Variants in CDH13 observed in about 807,000 individuals in gnomAD.
CDH13 encodes the protein cadherin-13.
CDH13 carries 24 observed loss-of-function variants against 63.8 expected under a neutral mutation model. The ratio of observed to expected loss-of-function variants is 0.38; its 90% CI spans 0.27 to 0.53. CDH13 has a LOEUF of 0.53. Ranked by LOEUF, CDH13 falls within the 20% of genes least tolerant of loss-of-function variation. The pLI is 0.85. For missense variants in CDH13, 1,049 were observed against 903.1 expected (o/e 1.16, Z -2.07); for synonymous variants, 503 against 355.3 (o/e 1.42, Z -4.67).
chr16:83,025,215 A>ACAT (rs1915688264), intron 2 of CDH13, among the ~76,000 whole-genome samples: 1 of 152,236 alleles, frequency 6.6e-6, no homozygotes, highest in Admixed American at 6.5e-5. Context: ...TAAGGATTAT[A>ACAT]GTACCTTTCA....
At chr16:83,268,394 C>G (rs1204186697) in intron 5 of CDH13, among the ~76,000 whole-genome samples, 1 of 152,146 alleles carries the variant, frequency 6.6e-6, no homozygotes. Flanking sequence ...CCAGTTGGCT[C>G]AAGCATTTCA....
chr16:83,680,242 A>G (rs530206414), intron 10 of CDH13, among the ~76,000 whole-genome samples: 193 of 152,292 alleles, frequency 1.3e-3, no homozygotes, highest in African/African-American at 4.5e-3. Flanking sequence ...CACTCGGCCC[A>G]TGGTCACATT....
chr16:83,635,098 C>T (rs765952955), intron 8 of CDH13, among the ~76,000 whole-genome samples: 2 of 152,120 alleles, frequency 1.3e-5, no homozygotes, highest in Non-Finnish European at 2.9e-5. Context: ...CACTCTTTTT[C>T]ATTATAACCA....
intron 7 of CDH13, among the ~76,000 whole-genome samples, chr16:83,499,237 C>T (rs1165532625): frequency 2.6e-5 from 4 of 152,198 alleles, no homozygotes; most frequent in African/African-American, 9.7e-5. Flanking sequence ...AAGATGTTCA[C>T]CATGTATCAG....
intron 3 of CDH13, among the ~76,000 whole-genome samples, chr16:83,096,926 C>A (rs1353845390): frequency 6.6e-6 from 1 of 152,042 alleles, no homozygotes; most frequent in African/African-American, 2.4e-5. Context: ...TTTACTAATT[C>A]TCATAAAATA....
intron 8 of CDH13, among the ~76,000 whole-genome samples, chr16:83,655,977 G>A (rs1305905455): frequency 6.6e-6 from 1 of 152,092 alleles, no homozygotes; most frequent in Non-Finnish European, 1.5e-5. Context: ...CAGAGAAATA[G>A]GCCTATTCAG....
chr16:83,596,575 G>A (rs192547508), intron 7 of CDH13, among the ~76,000 whole-genome samples: 52 of 152,284 alleles, frequency 3.4e-4, no homozygotes, highest in Non-Finnish European at 5.9e-4. Context: ...AACAAATGCA[G>A]AGTGGCCAGC....
At chr16:83,550,489 T>C (rs2075470295) in intron 7 of CDH13, among the ~76,000 whole-genome samples, 2 of 152,200 alleles carry the variant, frequency 1.3e-5, no homozygotes, top group African/African-American at 4.8e-5. Context: ...AATTGATTGA[T>C]AGGAGGTCAA....
At chr16:83,316,027 C>T (rs2090097834) in intron 5 of CDH13, among the ~76,000 whole-genome samples, 5 of 152,094 alleles carry the variant, frequency 3.3e-5, no homozygotes, top group South Asian at 4.1e-4. Flanking sequence ...GCTTAGGAGG[C>T]CTCAGGAAGC....
intron 2 of CDH13, among the ~76,000 whole-genome samples, chr16:82,982,490 T>A (rs1050246121): frequency 2.0e-5 from 3 of 152,212 alleles, no homozygotes; most frequent in African/African-American, 7.2e-5. Context: ...TTTGCCTTTT[T>A]CCTGTATCCC....
chr16:83,116,994 C>T (rs2035334185), intron 3 of CDH13, among the ~76,000 whole-genome samples: 1 of 152,220 alleles, frequency 6.6e-6, no homozygotes, highest in African/African-American at 2.4e-5. Context: ...ACGGGCAAAT[C>T]ATCGTAGGAC....
intron 7 of CDH13, among the ~76,000 whole-genome samples, chr16:83,520,585 T>C (rs1254106392): frequency 6.6e-6 from 1 of 152,224 alleles, no homozygotes; most frequent in Non-Finnish European, 1.5e-5. Context: ...CACTCTATGG[T>C]TGGCCTTAGA....
chr16:83,619,178 C>T (rs916164579), intron 8 of CDH13, among the ~76,000 whole-genome samples: 3 of 152,156 alleles, frequency 2.0e-5, no homozygotes, highest in Non-Finnish European at 2.9e-5. Context: ...CATGTATGTG[C>T]GCTATGCCTC....
chr16:83,345,636 T>A (rs1288883349), intron 6 of CDH13, among the ~76,000 whole-genome samples: 1 of 152,182 alleles, frequency 6.6e-6, no homozygotes, highest in African/African-American at 2.4e-5. Flanking sequence ...GTTTTAGAAT[T>A]TAGAGCTTCC....
At chr16:82,722,827 C>G in intron 1 of CDH13, among the ~76,000 whole-genome samples, 1 of 152,156 alleles carries the variant, frequency 6.6e-6, no homozygotes, top group East Asian at 1.9e-4. Context: ...GCCTTTTTCA[C>G]GTGAGCCCAC....
chr16:82,710,048 T>TACAC (rs921251629), intron 1 of CDH13, among the ~76,000 whole-genome samples: 1 of 150,012 alleles, frequency 6.7e-6, no homozygotes, highest in Admixed American at 6.7e-5. Context: ...AAAGTATGCA[T>TACAC]ACACACACAC....
intron 3 of CDH13, among the ~76,000 whole-genome samples, chr16:83,121,468 C>G (rs889134170): frequency 2.0e-5 from 3 of 152,150 alleles, no homozygotes; most frequent in Non-Finnish European, 2.9e-5. Context: ...TGCCAAGTGC[C>G]CAGCACATTG....
intron 2 of CDH13, among the ~76,000 whole-genome samples, chr16:82,877,044 G>C (rs1240858722): frequency 1.3e-5 from 2 of 152,164 alleles, no homozygotes; most frequent in Non-Finnish European, 2.9e-5. Context: ...ACATTTATGA[G>C]AACTCACTTC....
intron 5 of CDH13, among the ~76,000 whole-genome samples, chr16:83,320,181 A>T (rs946680959): frequency 6.6e-6 from 1 of 151,264 alleles, no homozygotes; most frequent in Non-Finnish European, 1.5e-5. Flanking sequence ...CTACGACTAC[A>T]GGTATGCCCC....
Sources: gnomAD v4.1 joint callset for allele counts (sites outside exome capture counted in the v4.1 genomes callset) on GRCh38, gnomAD v4.1.1 for gene constraint, MANE v1.5 for transcripts, NCBI Gene and HGNC (gene_info 2026-07-23, HGNC 2026-07-21) for gene names.